RBFOX1: variants seen among roughly 807,000 people sequenced by gnomAD.
RBFOX1 encodes the protein RNA binding fox-1 homolog 1.
A neutral mutation model predicts 57.7 loss-of-function variants in RBFOX1; 8 were observed. The ratio of observed to expected loss-of-function variants is 0.14; its 90% confidence interval spans 0.08 to 0.25. The LOEUF (loss-of-function observed/expected upper bound fraction) is 0.25. Among genes scored for constraint, RBFOX1 ranks in the 10% least tolerant of loss-of-function variants. RBFOX1 has a pLI of 1.00. For missense variants in RBFOX1, 611 were observed against 548.5 expected, an observed-to-expected ratio of 1.11 and a Z score of -1.14; for synonymous variants, 326 against 222.4, an observed-to-expected ratio of 1.47 and a Z score of -4.15.
intron 4 of RBFOX1, among the ~76,000 whole-genome samples, chr16:7,224,079 T>A (rs911442102): frequency 4.2e-5 from 6 of 144,570 alleles, no homozygotes; most frequent in African/African-American, 1.3e-4. Context: ...GGCTCGTTGT[T>A]CTGGGTCTTT....
intron 1 of RBFOX1, among the ~76,000 whole-genome samples, chr16:6,282,991 G>T (rs111538982): frequency 0.017 from 2,653 of 152,264 alleles, 88 homozygotes; most frequent in African/African-American, 0.061. Flanking sequence ...TCACCCTGTT[G>T]CAAAGTGACT....
chr16:6,653,563 C>G (rs1033044214), intron 2 of RBFOX1, among the ~76,000 whole-genome samples: 24 of 151,392 alleles, frequency 1.6e-4, no homozygotes, highest in African/African-American at 5.4e-4. Flanking sequence ...AAGAAAATAG[C>G]AGAAAATCAT....
chr16:7,355,084 C>G (rs1017304661), intron 4 of RBFOX1, among the ~76,000 whole-genome samples: 1 of 152,176 alleles, frequency 6.6e-6, no homozygotes, highest in African/African-American at 2.4e-5. Context: ...CCTCCCAAAA[C>G]TCTAACAGGT....
intron 4 of RBFOX1, among the ~76,000 whole-genome samples, chr16:7,433,501 G>A (rs1440023352): frequency 6.6e-6 from 1 of 152,244 alleles, no homozygotes; most frequent in Non-Finnish European, 1.5e-5. Flanking sequence ...CTGTGTTGGA[G>A]TACAGACAAA....
chr16:6,770,835 T>A (rs2078170997), intron 3 of RBFOX1, among the ~76,000 whole-genome samples: 2 of 152,092 alleles, frequency 1.3e-5, no homozygotes, highest in Admixed American at 1.3e-4. Context: ...GAGAGCCCAT[T>A]TCTAAATAGT....
At chr16:6,541,560 T>A (rs2096819930) in intron 2 of RBFOX1, among the ~76,000 whole-genome samples, 2 of 152,326 alleles carry the variant, frequency 1.3e-5, no homozygotes, top group Non-Finnish European at 2.9e-5. Context: ...ATATTTTTTC[T>A]AAGCGCAATG....
chr16:5,403,310 A>G (rs1322450530), intron 1 of RBFOX1, among the ~76,000 whole-genome samples: 2 of 146,328 alleles, frequency 1.4e-5, no homozygotes, highest in African/African-American at 2.5e-5. Flanking sequence ...AGATCGTGCC[A>G]TTGCACTCCA....
chr16:7,129,487 G>A (rs977306852), intron 4 of RBFOX1, among the ~76,000 whole-genome samples: 3 of 152,148 alleles, frequency 2.0e-5, no homozygotes, highest in African/African-American at 7.2e-5. Context: ...TATGGTAGGG[G>A]CAATTGGGTA....
At chr16:6,522,002 T>C (rs1216616986) in intron 2 of RBFOX1, among the ~76,000 whole-genome samples, 1 of 152,178 alleles carries the variant, frequency 6.6e-6, no homozygotes, top group Admixed American at 6.5e-5. Context: ...TCGACCAGCT[T>C]CTACAAAGCC....
intron 4 of RBFOX1, among the ~76,000 whole-genome samples, chr16:7,412,943 G>A (rs1209751118): frequency 6.6e-6 from 1 of 152,202 alleles, no homozygotes; most frequent in African/African-American, 2.4e-5. Context: ...TCGGGAGGCT[G>A]AGGCAGGAGA....
At chr16:7,416,480 TGG>T (rs1237826550) in intron 4 of RBFOX1, among the ~76,000 whole-genome samples, 1 of 152,112 alleles carries the variant, frequency 6.6e-6, no homozygotes, top group Non-Finnish European at 1.5e-5. Context: ...TACAGGAAAG[TGG>T]GTACATGGTG....
intron 3 of RBFOX1, among the ~76,000 whole-genome samples, chr16:5,752,806 T>G (rs993592190): frequency 2.6e-5 from 4 of 152,166 alleles, no homozygotes; most frequent in African/African-American, 9.7e-5. Flanking sequence ...TCTGCAACTT[T>G]GAGGCATATG....
intron 4 of RBFOX1, among the ~76,000 whole-genome samples, chr16:7,409,513 C>A (rs1275113027): frequency 6.6e-6 from 1 of 152,170 alleles, no homozygotes; most frequent in Non-Finnish European, 1.5e-5. Flanking sequence ...AAAGCTGTTG[C>A]CAGTTGTTCC....
At position 7,299,596 on chromosome 16, in the gene RBFOX1, C is replaced by G. The variant is rs531907513; in HGVS notation, c.28-218551C>G. On this transcript the variant is annotated intron_variant, in intron 4 of 15. Coordinates refer to ENST00000550418, the MANE Select transcript of RBFOX1 (RefSeq NM_018723.4). The stretch of plus-strand genomic sequence containing the variant: ...AGCGCTGTGCTCATTTGAGCACTGC[C>G]AAAATCCTGGACCCTCTGACTCAGT... Among the ~76,000 whole-genome samples the G allele has an allele frequency of 3.9e-5, 6 of 152,286 alleles. No individual in the cohort carries two copies. In the South Asian group the frequency reaches 8.3e-4, roughly 21 times the overall value.
chr16:5,624,175 C>G (rs75567495), intron 3 of RBFOX1, among the ~76,000 whole-genome samples: 1 of 152,160 alleles, frequency 6.6e-6, no homozygotes, highest in Admixed American at 6.5e-5. Flanking sequence ...AAAAATAAGG[C>G]CTTTTAGTGA....
At chr16:5,654,644 G>A (rs1476678321) in intron 3 of RBFOX1, among the ~76,000 whole-genome samples, 9 of 152,104 alleles carry the variant, frequency 5.9e-5, no homozygotes, top group East Asian at 3.9e-4. Context: ...AAGCCCTTTC[G>A]CATCTCATTC....
At chr16:5,465,243 G>A (rs1156377856) in intron 1 of RBFOX1, among the ~76,000 whole-genome samples, 1 of 152,096 alleles carries the variant, frequency 6.6e-6, no homozygotes, top group Admixed American at 6.5e-5. Flanking sequence ...TCCTTGCTGC[G>A]TCCTCACCTG....
chr16:6,604,578 G>A (rs1169437278), intron 2 of RBFOX1, among the ~76,000 whole-genome samples: 1 of 152,184 alleles, frequency 6.6e-6, no homozygotes, highest in South Asian at 2.1e-4. Context: ...TAAATAGCAA[G>A]GTAAAGCAAT....
At chr16:5,334,927 A>G (rs989353691) in intron 1 of RBFOX1, among the ~76,000 whole-genome samples, 1 of 152,046 alleles carries the variant, frequency 6.6e-6, no homozygotes, top group Non-Finnish European at 1.5e-5. Context: ...TAGCATGGAA[A>G]GAATAGTTTT....
Sources: gnomAD v4.1 joint callset for allele counts (sites outside exome capture counted in the v4.1 genomes callset) on GRCh38, gnomAD v4.1.1 for gene constraint, MANE v1.5 for transcripts, NCBI Gene and HGNC (gene_info 2026-07-23, HGNC 2026-07-21) for gene names.